The following GLDC variants were observed in gnomAD, a reference collection of about 807,000 sequenced individuals.
GLDC encodes glycine dehydrogenase (decarboxylating), mitochondrial.
A neutral mutation model predicts 121.3 loss-of-function variants in GLDC; 104 were observed. That is an observed-to-expected ratio of 0.86 (90% CI 0.73 to 1.01). The LOEUF (loss-of-function observed/expected upper bound fraction) is 1.01, where lower values mean the gene tolerates loss of function less well. Among genes scored for constraint, GLDC ranks in the 50% least tolerant of loss-of-function variants. The probability of loss-of-function intolerance (pLI) is 0.00; values close to 1 mark genes in which losing one functional copy is unlikely to be tolerated. For missense variants in GLDC, 1,429 were observed against 1,306.6 expected (o/e 1.09, Z -1.44); for synonymous variants, 546 against 480.6 (o/e 1.14, Z -1.78).
intron 2 of GLDC, among the ~76,000 whole-genome samples, chr9:6,638,330 T>G (rs1189694633): frequency 2.0e-5 from 3 of 151,990 alleles, no homozygotes; most frequent in Admixed American, 2.0e-4. Flanking sequence ...TGCCTCGGCC[T>G]CAGCGTCCCA....
intron 15 of GLDC, among the ~76,000 whole-genome samples, chr9:6,584,394 GATT>G (rs1818227163): frequency 6.6e-6 from 1 of 152,198 alleles, no homozygotes; most frequent in Admixed American, 6.5e-5. Context: ...AGGTCCCCTA[GATT>G]TCACTGGACT....
chr9:6,539,246 G>A (rs1817201580), intron 22 of GLDC, among the ~76,000 whole-genome samples: 1 of 152,118 alleles, frequency 6.6e-6, no homozygotes, highest in South Asian at 2.1e-4. Flanking sequence ...CGGAGGCCGA[G>A]GTGGGTGGAT....
chr9:6,550,552 G>A (rs566035697), intron 21 of GLDC, among the ~76,000 whole-genome samples: 6 of 152,216 alleles, frequency 3.9e-5, no homozygotes, highest in East Asian at 1.9e-4. Flanking sequence ...GCTTGAACCC[G>A]GGAGGCAGAA....
At chr9:6,554,579 T>C in intron 19 of GLDC, 90 bp downstream of exon 19, 1 of 917,578 alleles carries the variant, frequency 1.1e-6, no homozygotes, top group Admixed American at 2.0e-5. Flanking sequence ...CCTCAACACA[T>C]GAAGACTTTG....
chr9:6,592,127 T>C lies in GLDC; in HGVS notation c.1482+16A>G, dbSNP rs1207090298. The C allele has an allele frequency of 1.3e-6, 2 of 1,512,442 alleles. No homozygotes were observed. Among genetic ancestry groups the C allele is most frequent in the South Asian group, 1.1e-5 (1 of 89,044 alleles). 93.7% of individuals were successfully genotyped at this position (1,512,442 alleles called of 1,614,324 possible). Reference sequence around the variant, plus strand: ...CAATAGTTATGATGAGGAACGCATGTTTTTATTTTACTTACTGCAGATGAC... The same window carrying C: ...CAATAGTTATGATGAGGAACGCATGCTTTTATTTTACTTACTGCAGATGAC... On this transcript the variant is annotated intron_variant, in intron 11 of 24. Coordinates refer to ENST00000321612, the MANE Select transcript of GLDC (RefSeq NM_000170.3).
At chr9:6,561,104 T>G (rs1481437466) in intron 16 of GLDC, among the ~76,000 whole-genome samples, 1 of 152,312 alleles carries the variant, frequency 6.6e-6, no homozygotes, top group Non-Finnish European at 1.5e-5. Context: ...TGAAACCAAT[T>G]TCTGACACCT....
intron 8 of GLDC, among the ~76,000 whole-genome samples, chr9:6,597,367 T>G (rs1195642084): frequency 6.6e-6 from 1 of 152,176 alleles, no homozygotes; most frequent in African/African-American, 2.4e-5. Flanking sequence ...TGGTGAAACT[T>G]ACGGTGAGTT....
At chr9:6,591,898 A>T in intron 11 of GLDC, 1 of 397,066 alleles carries the variant, frequency 2.5e-6, no homozygotes, top group Non-Finnish European at 4.7e-6. Flanking sequence ...GCCTAGAGGC[A>T]CTTTCAATGA....
chr9:6,540,206 A>G, intron 21 of GLDC, 60 bp from the exon 22 acceptor site: 1 of 1,034,798 alleles, frequency 9.7e-7, no homozygotes, highest in Middle Eastern at 2.0e-4. Flanking sequence ...TACCCAAACA[A>G]ATGAATAAGT....
intron 16 of GLDC, 150 bp downstream of exon 16, chr9:6,565,204 A>G (rs546005732): frequency 1.7e-5 from 13 of 744,572 alleles, no homozygotes; most frequent in Middle Eastern, 5.3e-4. Flanking sequence ...CAAGGATCAT[A>G]ATGGCTAGTT....
At chr9:6,544,785 ATTT>A in intron 21 of GLDC, among the ~76,000 whole-genome samples, 1 of 152,246 alleles carries the variant, frequency 6.6e-6, no homozygotes, top group South Asian at 2.1e-4. Flanking sequence ...ACAGCTGTGG[ATTT>A]TTGCAATTCT....
intron 2 of GLDC, among the ~76,000 whole-genome samples, chr9:6,624,351 G>T (rs1819187710): frequency 6.6e-6 from 1 of 152,180 alleles, no homozygotes. Flanking sequence ...CCAATGATTG[G>T]TGTCCTTATA....
rs900680720 is a variant in GLDC at position 6,558,770 on chromosome 9, G to C, written c.1927-86C>G. 5.7e-5 allele frequency: 80 copies of C among 1,398,386 alleles called. 1 individual carries two copies. In the Admixed American group the frequency reaches 1.1e-3, roughly 20 times the overall value. 86.6% of individuals were successfully genotyped at this position (1,398,386 alleles called of 1,614,324 possible). A position where few individuals can be genotyped will look rare whatever the true frequency, so the allele number is the denominator to read the frequency against. Reference sequence around the variant, plus strand: ...AGAAAAGTACTACAACATGCTTGTAGCACAAATTAGACACCACCTGTTTTT... The same window carrying C: ...AGAAAAGTACTACAACATGCTTGTACCACAAATTAGACACCACCTGTTTTT... On this transcript the variant is annotated intron_variant, in intron 16 of 24. Transcript: ENST00000321612.
chr9:6,545,457 C>T (rs900806310), intron 21 of GLDC, among the ~76,000 whole-genome samples: 2 of 152,106 alleles, frequency 1.3e-5, no homozygotes, highest in Admixed American at 6.5e-5. Context: ...AGGGCACTTA[C>T]CATGAATGGA....
chr9:6,605,193 G>C lies in GLDC; in HGVS notation c.799C>G (p.Pro267Ala), dbSNP rs1554648117. 1.9e-6 allele frequency: 3 copies of C among 1,613,412 alleles called. No homozygotes were observed. The highest frequency in any genetic ancestry group is 1.7e-5 in the Admixed American group (1 of 59,980). ...KDVSGVLFQY[P>A]DTEGKVEDFT... ...TCTTCCACCTTCCCCTCCGTGTCTG[G>C]GTACTGGAACAACACTCCACTGACA... The change falls in exon 6 of 25, where the codon CCA (proline) becomes GCA (alanine). Residue 267 changes from proline to alanine, a missense_variant. Transcript: ENST00000321612.
In GLDC at chr9:6,620,157, C is replaced by G. The variant is rs553220071; in HGVS notation, c.470+27G>C. 1.9e-6 allele frequency: 3 copies of G among 1,609,070 alleles called. No individual in the cohort carries two copies. In the African/African-American group the frequency reaches 4.0e-5, roughly 22 times the overall value. On this transcript the variant is annotated intron_variant, in intron 3 of 24. Coordinates refer to ENST00000321612, the MANE Select transcript of GLDC (RefSeq NM_000170.3). The stretch of plus-strand genomic sequence containing the variant: ...GAGAATTATGCAAATCACAGTCATC[C>G]TGTTCCTGAACTGAGAAATACATTA...
intron 2 of GLDC, among the ~76,000 whole-genome samples, chr9:6,637,213 T>C (rs1230113715): frequency 1.3e-5 from 2 of 152,040 alleles, no homozygotes; most frequent in Admixed American, 1.3e-4. Flanking sequence ...GAAACCAGCC[T>C]GGCCAACATG....
intron 15 of GLDC, among the ~76,000 whole-genome samples, chr9:6,584,322 C>T (rs1818224714): frequency 6.6e-6 from 1 of 152,196 alleles, no homozygotes; most frequent in Non-Finnish European, 1.5e-5. Context: ...TCGAAATTCT[C>T]CCTCTGTGCA....
chr9:6,569,308 T>G lies in GLDC; in HGVS notation c.1851-3879A>C, dbSNP rs1474357901. On this transcript the variant is annotated intron_variant, in intron 15 of 24. Coordinates refer to ENST00000321612, the MANE Select transcript of GLDC (RefSeq NM_000170.3). Reference sequence around the variant, plus strand: ...AACAAATTTTAAAGATTTTAAAAATTAATTTATCTTTCCCTTTACTAAGAA... The same window carrying G: ...AACAAATTTTAAAGATTTTAAAAATGAATTTATCTTTCCCTTTACTAAGAA... 7.9e-5 allele frequency: 12 copies of G among 152,318 alleles called. No homozygotes were observed. The East Asian group carries it at 1.7e-3, about 22-fold the overall frequency. 9.4% of individuals were successfully genotyped at this position (152,318 alleles called of 1,614,324 possible). A position where few individuals can be genotyped will look rare whatever the true frequency, so the allele number is the denominator to read the frequency against.
Sources: gnomAD v4.1 joint callset for allele counts (sites outside exome capture counted in the v4.1 genomes callset) on GRCh38, gnomAD v4.1.1 for gene constraint, MANE v1.5 for transcripts, NCBI Gene and HGNC (gene_info 2026-07-23, HGNC 2026-07-21) for gene names.